ZBTB7C: variants seen among roughly 807,000 people sequenced by gnomAD.
ZBTB7C encodes the protein zinc finger and BTB domain containing 7C.
In ZBTB7C, 8 loss-of-function variants were observed where a neutral mutation model predicts 25.7. The observed-to-expected ratio is 0.31, with a 90% CI of 0.18 to 0.56. The LOEUF is 0.56. Among genes scored for constraint, ZBTB7C ranks in the 20% least tolerant of loss-of-function variants. The pLI is 0.91. For missense variants in ZBTB7C, 824 were observed against 855.2 expected (o/e 0.96, Z 0.46); for synonymous variants, 394 against 369.0 (o/e 1.07, Z -0.78).
chr18:48,379,372 T>C (rs1045503300), intron 1 of ZBTB7C, among the ~76,000 whole-genome samples: 1 of 152,226 alleles, frequency 6.6e-6, no homozygotes, highest in Non-Finnish European at 1.5e-5. Flanking sequence ...TTAGAATTAC[T>C]TTGTCAATAT....
chr18:48,358,072 C>T (rs896263569), intron 1 of ZBTB7C, among the ~76,000 whole-genome samples: 1 of 152,110 alleles, frequency 6.6e-6, no homozygotes, highest in Non-Finnish European at 1.5e-5. Flanking sequence ...TGGTAGGGAC[C>T]GGATGCAGTA....
intron 1 of ZBTB7C, among the ~76,000 whole-genome samples, chr18:48,340,685 C>A (rs1481500542): frequency 6.6e-6 from 1 of 152,224 alleles, no homozygotes; most frequent in Non-Finnish European, 1.5e-5. Flanking sequence ...CTCTTCCAAG[C>A]TCTCCTGCAA....
intron 3 of ZBTB7C, chr18:48,087,919 C>T (rs1365624731): frequency 6.6e-6 from 1 of 151,616 alleles, no homozygotes; most frequent in Non-Finnish European, 1.5e-5. Context: ...CTCCATTTAA[C>T]CTCATTCTTT....
At position 48,298,117 on chromosome 18, in the gene ZBTB7C, A is replaced by G. The variant is rs185088222; in HGVS notation, c.-79+40057T>C. 1.4e-4 allele frequency among the ~76,000 whole-genome samples: 21 copies of G among 152,166 alleles called. No homozygotes were observed. In the East Asian group the frequency reaches 2.5e-3, roughly 18 times the overall value. ...AGCATGGTGAAACCCCATCGCTACT[A>G]AAAATACAAAAAATTAGCCAGACAT... On this transcript the variant is annotated intron_variant, in intron 2 of 4. Coordinates refer to ENST00000590800, the MANE Select transcript of ZBTB7C (RefSeq NM_001318841.2).
chr18:48,083,444 C>T (rs549365757), intron 3 of ZBTB7C, among the ~76,000 whole-genome samples: 1 of 152,210 alleles, frequency 6.6e-6, no homozygotes, highest in East Asian at 1.9e-4. Context: ...CCTCACCCAC[C>T]CTACCCCTCC....
At chr18:48,208,963 T>C (rs1030900075) in intron 2 of ZBTB7C, among the ~76,000 whole-genome samples, 9 of 152,224 alleles carry the variant, frequency 5.9e-5, no homozygotes, top group Admixed American at 1.3e-4. Flanking sequence ...CTGTACTCCA[T>C]GTAATACTGT....
At chr18:48,152,334 A>G (rs2040704450) in intron 3 of ZBTB7C, among the ~76,000 whole-genome samples, 1 of 152,220 alleles carries the variant, frequency 6.6e-6, no homozygotes, top group Non-Finnish European at 1.5e-5. Context: ...ATGTTAAAAA[A>G]AAAATCCAGG....
intron 2 of ZBTB7C, among the ~76,000 whole-genome samples, chr18:48,330,804 G>C (rs895351689): frequency 2.6e-5 from 4 of 152,058 alleles, no homozygotes; most frequent in South Asian, 4.2e-4. Context: ...GGCTGGGCAG[G>C]GGGAGCATCT....
chr18:48,319,688 G>A lies in ZBTB7C; in HGVS notation c.-79+18486C>T, dbSNP rs112600114. Among the ~76,000 whole-genome samples the A allele has an allele frequency of 5.4e-3, 826 of 152,288 alleles. 6 individuals are homozygous for A. Among genetic ancestry groups the A allele is most frequent in the African/African-American group, 0.019 (793 of 41,558 alleles). Reference sequence around the variant, plus strand: ...ATATAAGTGGAATAAAATGGTTGCCGTGGGAGGCCCGGGAATGTTTGGATG... The same window carrying A: ...ATATAAGTGGAATAAAATGGTTGCCATGGGAGGCCCGGGAATGTTTGGATG... On this transcript the variant is annotated intron_variant, in intron 2 of 4. Coordinates refer to ENST00000590800, the MANE Select transcript of ZBTB7C (RefSeq NM_001318841.2).
chr18:48,124,989 G>A (rs1306598251), intron 3 of ZBTB7C, among the ~76,000 whole-genome samples: 1 of 152,198 alleles, frequency 6.6e-6, no homozygotes, highest in East Asian at 1.9e-4. Flanking sequence ...CGTGGCAGGA[G>A]AAACGCCACG....
chr18:48,172,500 G>A (rs1050877588), intron 3 of ZBTB7C, among the ~76,000 whole-genome samples: 4 of 152,184 alleles, frequency 2.6e-5, no homozygotes, highest in African/African-American at 4.8e-5. Flanking sequence ...TGGGAGATTC[G>A]GGTGACCTCC....
chr18:48,403,861 C>T (rs2048217344), intron 1 of ZBTB7C, among the ~76,000 whole-genome samples: 2 of 151,798 alleles, frequency 1.3e-5, no homozygotes, highest in African/African-American at 4.8e-5. Flanking sequence ...CCTGAAGCAT[C>T]CAAAAGAGAG....
At chr18:48,046,780 C>T (rs1469691009) in intron 3 of ZBTB7C, among the ~76,000 whole-genome samples, 1 of 152,228 alleles carries the variant, frequency 6.6e-6, no homozygotes, top group Non-Finnish European at 1.5e-5. Flanking sequence ...CAGGAAACCA[C>T]AGCTGTGTGA....
intron 2 of ZBTB7C, among the ~76,000 whole-genome samples, chr18:48,316,289 T>C (rs144264066): frequency 5.8e-4 from 89 of 152,190 alleles, no homozygotes; most frequent in South Asian, 1.0e-3. Flanking sequence ...GGTTTAGGAG[T>C]AGGAGCTGCC....
Position 48,029,047 on chromosome 18 carries a change from G to C in ZBTB7C, c.*213C>G. The C allele has an allele frequency of 1.5e-6, 1 of 655,926 alleles. No homozygotes were observed. Among genetic ancestry groups the C allele is most frequent in the Non-Finnish European group, 2.4e-6 (1 of 420,302 alleles). The allele number at this position is 655,926 out of a possible 1,614,324, so 40.6% of individuals were successfully genotyped here. On this transcript the variant is annotated 3_prime_UTR_variant, in exon 5 of 5. Transcript: ENST00000590800. ...ACAGGGAGGGAGGCCCGGGCTCCTG[G>C]CCTTTTGGGAAAAGATGCCCGTCTC...
At chr18:48,236,405 T>C (rs1425906210) in intron 2 of ZBTB7C, among the ~76,000 whole-genome samples, 3 of 152,212 alleles carry the variant, frequency 2.0e-5, no homozygotes, top group Non-Finnish European at 4.4e-5. Context: ...TAAGTCTCTG[T>C]TGAACAGGCA....
chr18:48,231,469 G>A (rs1296467886), intron 2 of ZBTB7C, among the ~76,000 whole-genome samples: 1 of 152,098 alleles, frequency 6.6e-6, no homozygotes, highest in Non-Finnish European at 1.5e-5. Context: ...GTTACCCACT[G>A]TGGGTCTCCT....
intron 2 of ZBTB7C, among the ~76,000 whole-genome samples, chr18:48,203,877 AG>A: frequency 6.6e-6 from 1 of 152,278 alleles, no homozygotes; most frequent in South Asian, 2.1e-4. Context: ...TTTGCAGTAC[AG>A]GGTAGAGAGG....
At chr18:48,051,566 A>G (rs7238127) in intron 3 of ZBTB7C, among the ~76,000 whole-genome samples, 18,666 of 136,702 alleles carry the variant, frequency 0.14, 1,460 homozygotes, top group South Asian at 0.2. Flanking sequence ...CAGATGAGGA[A>G]ACTAAAGTGA....
Sources: gnomAD v4.1 joint callset for allele counts (sites outside exome capture counted in the v4.1 genomes callset) on GRCh38, gnomAD v4.1.1 for gene constraint, MANE v1.5 for transcripts, NCBI Gene and HGNC (gene_info 2026-07-23, HGNC 2026-07-21) for gene names.